The following MROH1 variants were observed in gnomAD, a reference collection of about 807,000 sequenced individuals.
MROH1 encodes the protein maestro heat like repeat family member 1, also known as maestro heat-like repeat-containing protein family member 1.
A neutral mutation model predicts 116.5 loss-of-function variants in MROH1; 117 were observed. The observed-to-expected ratio is 1.00, with a 90% CI of 0.86 to 1.17. MROH1 has a LOEUF of 1.17. Among genes scored for constraint, MROH1 ranks in the 50% most tolerant of loss-of-function variants. The pLI is 0.00. For synonymous variants in MROH1, 921 were observed against 583.9 expected (o/e 1.58, Z -8.32); for missense variants, 1,873 against 1,338.5 (o/e 1.40, Z -6.23).
Position 144,247,430 on chromosome 8 carries a change from T to A in MROH1, c.3001T>A (p.Tyr1001Asn). The A allele has an allele frequency of 1.3e-6, 1 of 771,058 alleles. No homozygotes were observed. The highest frequency in any genetic ancestry group is 2.4e-6 in the Non-Finnish European group (1 of 413,560). The allele number at this position is 771,058 out of a possible 1,614,324, so 47.8% of individuals were successfully genotyped here. A position where few individuals can be genotyped will look rare whatever the true frequency, so the allele number is the denominator to read the frequency against. ...VYSLLYLQLG[Y>N]EGFSRDYRDD... Reference sequence around the variant, plus strand: ...CTCCCTGCTGTACCTCCAGCTCGGCTATGAGGGTGAGCCCTCGTCAGGAGT... The same window carrying A: ...CTCCCTGCTGTACCTCCAGCTCGGCAATGAGGGTGAGCCCTCGTCAGGAGT... Residue 1001 changes from tyrosine to asparagine, a missense_variant, in exon 30 of 44, where the codon TAT becomes AAT. Tyr to Asn is a moderately radical substitution (Grantham distance 143). Coordinates refer to ENST00000326134, the MANE Select transcript of MROH1 (RefSeq NM_032450.3).
chr8:144,233,578 G>A (rs568288225), intron 14 of MROH1, among the ~76,000 whole-genome samples: 34 of 151,148 alleles, frequency 2.2e-4, no homozygotes, highest in East Asian at 2.0e-4. Flanking sequence ...GAGGCACTTC[G>A]TGTAAGTGGA....
At chr8:144,256,613 G>T (rs1037360883) in intron 35 of MROH1, among the ~76,000 whole-genome samples, 53 of 152,360 alleles carry the variant, frequency 3.5e-4, no homozygotes, top group African/African-American at 1.2e-3. Flanking sequence ...CTGCGAATCA[G>T]TGCCTCCGCC....
intron 29 of MROH1, among the ~76,000 whole-genome samples, chr8:144,246,882 A>C (rs1842008125): frequency 6.6e-6 from 1 of 152,248 alleles, no homozygotes; most frequent in Non-Finnish European, 1.5e-5. Context: ...AGGCAGGACC[A>C]GGACAGTCAG....
In MROH1 at chr8:144,180,338, A is replaced by G; in HGVS notation, c.461A>G (p.Asn154Ser). 1 of 1,604,498 alleles carries G rather than the reference A, an allele frequency of 6.2e-7. No individual in the cohort carries two copies. Among genetic ancestry groups the G allele is most frequent in the Non-Finnish European group, 8.5e-7 (1 of 1,178,244 alleles). Residue 154 changes from asparagine (N) to serine (S), a missense_variant and splice_region_variant, in exon 6 of 44, where the codon AAC (asparagine) becomes AGC (serine). By Grantham distance (46) the Asn-to-Ser change is conservative. Coordinates refer to ENST00000326134, the MANE Select transcript of MROH1 (RefSeq NM_032450.3). The surrounding 1 kb of genome is among the most constrained non-coding windows in gnomAD (Gnocchi z 7.4). ...ACCCTCGCCAGCCTCTCGGTGGCCA[A>G]CGGTAGGTGACGCGCGGCCTGCCCC... Reference protein sequence around the residue: ...LHTLASLSVANAFGVVPFLPS... With the variant: ...LHTLASLSVASAFGVVPFLPS...
chr8:144,259,170 GGGTGGAAGGT>G, intron 36 of MROH1, 60 bp from the exon 37 acceptor site: 1 of 703,960 alleles, frequency 1.4e-6, no homozygotes, highest in Non-Finnish European at 2.6e-6. Context: ...GGGCTGTGCA[GGGTGGAAGGT>G]GCCTGGGTAG....
intron 10 of MROH1, among the ~76,000 whole-genome samples, chr8:144,195,195 TAAAAAAA>T (rs561902621): frequency 0.15 from 1,790 of 11,708 alleles, 225 homozygotes; most frequent in Admixed American, 0.21. Context: ...ACTGTGTCTT[TAAAAAAA>T]AAAAAAAAAA....
At chr8:144,178,243 T>A (rs560137869) in intron 4 of MROH1, among the ~76,000 whole-genome samples, 2 of 152,254 alleles carry the variant, frequency 1.3e-5, no homozygotes, top group East Asian at 3.9e-4. Context: ...GCGATTCTTC[T>A]GCCTCAGCCT....
intron 29 of MROH1, among the ~76,000 whole-genome samples, chr8:144,245,934 G>A (rs1246222896): frequency 6.6e-6 from 1 of 152,016 alleles, no homozygotes; most frequent in Non-Finnish European, 1.5e-5. Flanking sequence ...GTGCTGGGAT[G>A]ACAGATGCTG....
At chr8:144,150,985 C>T (rs1254705766) in intron 1 of MROH1, among the ~76,000 whole-genome samples, 1 of 152,154 alleles carries the variant, frequency 6.6e-6, no homozygotes, top group Admixed American at 6.5e-5. Context: ...TGATGGCTCA[C>T]GCCTGTAATC....
At chr8:144,216,269 G>T (rs1380637919) in intron 12 of MROH1, among the ~76,000 whole-genome samples, 2 of 150,988 alleles carry the variant, frequency 1.3e-5, no homozygotes, top group Non-Finnish European at 2.9e-5. Context: ...GGTCAGGAGA[G>T]CGAGACCATC....
chr8:144,243,533 A>G lies in MROH1; in HGVS notation c.2392A>G (p.Met798Val). 2 of 780,146 alleles carry G rather than the reference A, an allele frequency of 2.6e-6. No homozygotes were observed. Among genetic ancestry groups the G allele is most frequent in the Non-Finnish European group, 2.4e-6 (1 of 417,822 alleles). 48.3% of individuals were successfully genotyped at this position (780,146 alleles called of 1,614,324 possible). A position where few individuals can be genotyped will look rare whatever the true frequency, so the allele number is the denominator to read the frequency against. ...GCTGTGCCTTGTCCAGAGTGTGTGC[A>G]TGGTCAGCCGCGCCATCTGCAGCAG... ...LKLCLVQSVC[M>V]VSRAICSSTQ... The change falls in exon 25 of 44, where the codon ATG (methionine) becomes GTG (valine). Residue 798 changes from methionine to valine, a missense_variant. Met to Val is a conservative substitution (Grantham distance 21). Transcript: ENST00000326134.
chr8:144,238,816 G>C lies in MROH1; in HGVS notation c.1399G>C (p.Val467Leu), dbSNP rs1264793308. 19 of 775,070 alleles carry C rather than the reference G, an allele frequency of 2.5e-5. No homozygotes were observed. The highest frequency in any genetic ancestry group is 3.8e-5 in the Non-Finnish European group (16 of 417,762). The allele number at this position is 775,070 out of a possible 1,614,324, so 48.0% of individuals were successfully genotyped here. A position where few individuals can be genotyped will look rare whatever the true frequency, so the allele number is the denominator to read the frequency against. The change falls in exon 15 of 44, where the codon GTG becomes CTG. Residue 467 changes from valine (V) to leucine (L), a missense_variant. By Grantham distance (32) the Val-to-Leu change is conservative (BLOSUM62 1). Transcript: ENST00000326134. Reference sequence around the variant, plus strand: ...GGCCGACAGCGTGCGGGCCATCAGCGTGCGCACCCTCTACCTGGTCAGCAC... The same window carrying C: ...GGCCGACAGCGTGCGGGCCATCAGCCTGCGCACCCTCTACCTGGTCAGCAC... ...PKADSVRAIS[V>L]RTLYLVSTTV...
At chr8:144,200,346 C>T (rs1830824107) in intron 11 of MROH1, 82 bp from the exon 12 acceptor site, 2 of 1,115,812 alleles carry the variant, frequency 1.8e-6, no homozygotes, top group Non-Finnish European at 2.5e-6. Context: ...TGGCTCCTCC[C>T]CTGTGCTGGA....
At chr8:144,219,491 C>G (rs1327481385) in intron 12 of MROH1, among the ~76,000 whole-genome samples, 1 of 152,150 alleles carries the variant, frequency 6.6e-6, no homozygotes, top group Non-Finnish European at 1.5e-5. Flanking sequence ...TCCATACTTC[C>G]CAGTTCTGAG....
intron 12 of MROH1, among the ~76,000 whole-genome samples, chr8:144,207,466 C>G (rs1177015681): frequency 6.6e-6 from 1 of 152,058 alleles, no homozygotes; most frequent in Non-Finnish European, 1.5e-5. Context: ...GATTTACAGG[C>G]GTGAGCCACC....
At chr8:144,178,637 G>A (rs538976794) in intron 4 of MROH1, among the ~76,000 whole-genome samples, 10 of 152,326 alleles carry the variant, frequency 6.6e-5, no homozygotes, top group African/African-American at 2.4e-4. Flanking sequence ...CCTCTGGGCC[G>A]CCCTGTGCCG....
At chr8:144,208,041 G>A (rs1163391514) in intron 12 of MROH1, among the ~76,000 whole-genome samples, 3 of 151,724 alleles carry the variant, frequency 2.0e-5, no homozygotes, top group African/African-American at 7.3e-5. Flanking sequence ...CACCTCCCAG[G>A]TTCAAGTGAT....
In MROH1 at chr8:144,199,123, T is replaced by C. The variant is rs763717090; in HGVS notation, c.950T>C (p.Ile317Thr). The C allele has an allele frequency of 1.3e-5, 21 of 1,613,490 alleles. No homozygotes were observed. In the Admixed American group the frequency reaches 2.5e-4, roughly 19 times the overall value. ...DALLAALHSQ[I>T]CVPVESSSPL... is the part of the protein sequence containing the mutation. ...ACCTCGGCCCCGTTCCTGGAGCAGA[T>C]CTGTGTGCCTGTGGAGTCCTCAAGC... Residue 317 changes from isoleucine (I) to threonine (T), a missense_variant and splice_region_variant, in exon 11 of 44, where the codon ATC (isoleucine) becomes ACC (threonine). Ile to Thr is a moderately conservative substitution (Grantham distance 89, BLOSUM62 -1). Transcript: ENST00000326134.
chr8:144,258,888 T>C lies in MROH1; in HGVS notation c.3903T>C (p.His1301=), dbSNP rs1423777704. 2.0e-5 allele frequency: 15 copies of C among 761,426 alleles called. No individual in the cohort carries two copies. Among genetic ancestry groups the C allele is most frequent in the Admixed American group, 5.3e-5 (3 of 56,928 alleles). 47.2% of individuals were successfully genotyped at this position (761,426 alleles called of 1,614,324 possible). A position where few individuals can be genotyped will look rare whatever the true frequency, so the allele number is the denominator to read the frequency against. The change falls in exon 36 of 44, where the codon CAT becomes CAC. Residue 1301 remains histidine (H), a synonymous_variant. Coordinates refer to ENST00000326134, the MANE Select transcript of MROH1 (RefSeq NM_032450.3). The part of the protein sequence containing the change: ...GWELLRTSAG[H]EEGATRLARA... ...AACTGCTCAGGACCTCGGCGGGGCA[T>C]GAGGAGGGGGCCACCAGGTTGGCCA...
Sources: gnomAD v4.1 joint callset for allele counts (sites outside exome capture counted in the v4.1 genomes callset) on GRCh38, gnomAD v4.1.1 for gene constraint, Gnocchi (gnomAD v3.1) non-coding constraint, MANE v1.5 for transcripts, NCBI Gene and HGNC (gene_info 2026-07-23, HGNC 2026-07-21) for gene names.